Variants in LRP6 observed in about 807,000 individuals in gnomAD.
LRP6 encodes the protein LDL receptor related protein 6, also known as low-density lipoprotein receptor-related protein 6.
Under a neutral mutation model 184.1 loss-of-function variants are expected in LRP6, and 43 were observed. That is an observed-to-expected ratio of 0.23 (90% CI 0.18 to 0.30). The LOEUF is 0.30. LRP6 is among the 10% of genes least tolerant of loss of function. The probability of loss-of-function intolerance (pLI) is 1.00; values close to 1 mark genes in which losing one functional copy is unlikely to be tolerated. For synonymous variants in LRP6, 719 were observed against 684.9 expected (o/e 1.05, Z -0.78); for missense variants, 1,571 against 2,005.3 (o/e 0.78, Z 4.14).
intron 2 of LRP6, among the ~76,000 whole-genome samples, chr12:12,242,031 C>T (rs979338296): frequency 7.9e-5 from 12 of 152,158 alleles, no homozygotes; most frequent in Non-Finnish European, 1.8e-4. Flanking sequence ...GATTAATTTA[C>T]TCACTGAACT....
intron 4 of LRP6, among the ~76,000 whole-genome samples, chr12:12,185,601 T>C (rs1199009225): frequency 6.6e-6 from 1 of 152,178 alleles, no homozygotes; most frequent in Admixed American, 6.5e-5. Context: ...CTTAACATTC[T>C]CGTATTCCTT....
rs747825972 is a variant in LRP6, at chr12:12,193,652, G to GA, written c.648-6534dup. On this transcript the variant is annotated intron_variant, in intron 3 of 22. Coordinates refer to ENST00000261349, the MANE Select transcript of LRP6 (RefSeq NM_002336.3). ...AATTTATGAAACAAAAATATTCCTG[G>GA]AAAAAAACCAAATTACTAAAACTGA... Among the ~76,000 whole-genome samples the GA allele has an allele frequency of 2.4e-4, 36 of 152,014 alleles. No homozygotes were observed. In the East Asian group the frequency reaches 6.7e-3, roughly 28 times the overall value.
At chr12:12,164,191 T>TG (rs1276175346) in intron 9 of LRP6, 82 bp downstream of exon 9, 8 of 1,233,530 alleles carry the variant, frequency 6.5e-6, no homozygotes, top group Non-Finnish European at 9.3e-6. Flanking sequence ...ATGAGGGAGG[T>TG]GGGTCACAGC....
At chr12:12,230,979 G>A (rs1864767633) in intron 2 of LRP6, among the ~76,000 whole-genome samples, 3 of 151,634 alleles carry the variant, frequency 2.0e-5, no homozygotes, top group African/African-American at 2.4e-5. Flanking sequence ...TCAGGAGTTC[G>A]CGACCAGCCT....
At chr12:12,216,672 A>G (rs10082743) in intron 2 of LRP6, among the ~76,000 whole-genome samples, 15,340 of 150,278 alleles carry the variant, frequency 0.1, 840 homozygotes, top group African/African-American at 0.14. Context: ...AAAAAAAAAG[A>G]AAAGAAAAGC....
intron 19 of LRP6, among the ~76,000 whole-genome samples, chr12:12,129,041 A>C (rs1803195431): frequency 6.6e-6 from 1 of 152,218 alleles, no homozygotes; most frequent in African/African-American, 2.4e-5. Flanking sequence ...AGTGGGTTAC[A>C]ACCAGCTTTG....
rs985548947 is a variant in LRP6, at chr12:12,117,620, T to A, written c.*3506A>T. 1 of 152,230 alleles carries A rather than the reference T, an allele frequency of 6.6e-6. No individual in the cohort carries two copies. The highest frequency in any genetic ancestry group is 2.4e-5 in the African/African-American group (1 of 41,466). The allele number at this position is 152,230 out of a possible 1,614,324, so 9.4% of individuals were successfully genotyped here. ...TTTACTGCATAGAAGTAGGCGTGCT[T>A]AACGCATACCTCTTCAGTCTCTATT... On this transcript the variant is annotated 3_prime_UTR_variant, in exon 23 of 23. Transcript: ENST00000261349.
intron 22 of LRP6, among the ~76,000 whole-genome samples, chr12:12,122,543 C>T (rs982599661): frequency 1.3e-5 from 2 of 152,134 alleles, no homozygotes; most frequent in African/African-American, 4.8e-5. Context: ...AGATTGTTCA[C>T]AGTCACAGAT....
chr12:12,201,518 C>T (rs1479825352), intron 3 of LRP6, among the ~76,000 whole-genome samples: 1 of 152,100 alleles, frequency 6.6e-6, no homozygotes, highest in Non-Finnish European at 1.5e-5. Context: ...TTATGAGACA[C>T]CCTGTTAAAT....
chr12:12,127,277 A>T (rs569989024), intron 19 of LRP6, among the ~76,000 whole-genome samples: 2 of 152,362 alleles, frequency 1.3e-5, no homozygotes, highest in East Asian at 3.9e-4. Flanking sequence ...TTCATTCTAT[A>T]TACCATACAA....
At chr12:12,222,866 A>G (rs1001546027) in intron 2 of LRP6, among the ~76,000 whole-genome samples, 3 of 152,174 alleles carry the variant, frequency 2.0e-5, no homozygotes, top group Admixed American at 1.3e-4. Context: ...TAAAAGTTAC[A>G]TATACAATCC....
At chr12:12,218,951 ATGTGGGGCTGGG>A (rs2135865524) in intron 2 of LRP6, among the ~76,000 whole-genome samples, 1 of 152,276 alleles carries the variant, frequency 6.6e-6, no homozygotes, top group South Asian at 2.1e-4. Context: ...TTAAAAAACA[ATGTGGGGCTGGG>A]TGTGGTTGCT....
intron 13 of LRP6, 142 bp from the exon 14 acceptor site, chr12:12,149,295 T>G (rs1591887584): frequency 1.4e-6 from 1 of 705,632 alleles, no homozygotes; most frequent in East Asian, 2.6e-5. Context: ...TACTGATACC[T>G]TTTTTTATGG....
chr12:12,175,701 TAAA>T (rs1242853720), intron 7 of LRP6, among the ~76,000 whole-genome samples: 1 of 10,694 alleles, frequency 9.4e-5, no homozygotes, highest in South Asian at 7.8e-3. Flanking sequence ...AAATAAAAAA[TAAA>T]ATAAAATAAA....
intron 1 of LRP6, among the ~76,000 whole-genome samples, chr12:12,263,872 G>C (rs1398501482): frequency 6.6e-6 from 1 of 151,876 alleles, no homozygotes; most frequent in East Asian, 1.9e-4. Flanking sequence ...GGCCAAGCAT[G>C]GTGGCTCACA....
Position 12,158,942 on chromosome 12 carries a change from C to T in LRP6, c.2678G>A (p.Cys893Tyr). 1.2e-6 allele frequency: 2 copies of T among 1,614,250 alleles called. No homozygotes were observed. The highest frequency in any genetic ancestry group is 1.3e-5 in the African/African-American group (1 of 75,076). Residue 893 changes from cysteine (C) to tyrosine (Y), a missense_variant, in exon 12 of 23, where the codon TGT (cysteine) becomes TAT (tyrosine). This residue lies in a region of LRP6 where 158 missense variants were observed against 258.4 expected (regional missense o/e 0.61). Transcript: ENST00000261349. ...HSSRQSGWNE[C>Y]ASSNGHCSHL... is the part of the protein sequence containing the mutation. ...GGAGCAGTGCCCATTGCTGGAAGCA[C>T]ATTCATTCCACCCTGACTGTCGAGA... is the stretch of plus-strand genomic sequence containing the variant.
At chr12:12,138,906 T>C in intron 15 of LRP6, 2 of 1,370,454 alleles carry the variant, frequency 1.5e-6, no homozygotes, top group Non-Finnish European at 2.0e-6. Context: ...GAGGCATTTA[T>C]GAAGAACAGC....
At chr12:12,166,316 A>G (rs115375066) in intron 7 of LRP6, among the ~76,000 whole-genome samples, 246 of 152,284 alleles carry the variant, frequency 1.6e-3, no homozygotes, top group African/African-American at 5.7e-3. Context: ...AGCATTTCCA[A>G]TTGCATTTCC....
intron 7 of LRP6, among the ~76,000 whole-genome samples, chr12:12,172,620 A>G (rs904396909): frequency 6.6e-6 from 1 of 152,236 alleles, no homozygotes; most frequent in Non-Finnish European, 1.5e-5. Flanking sequence ...TGTTCCAGAC[A>G]ATATCCAAAA....
Sources: allele counts gnomAD v4.1 joint callset (sites outside exome capture counted in the v4.1 genomes callset), GRCh38; gene constraint gnomAD v4.1.1; regional missense constraint gnomAD v4.1.1; transcripts MANE v1.5; gene names NCBI Gene and HGNC (gene_info 2026-07-23, HGNC 2026-07-21).